Variants in BMP6 observed in about 807,000 individuals in gnomAD.
The protein encoded by BMP6 is VG-1-R.
In BMP6, 17 loss-of-function variants were observed where a neutral mutation model predicts 54.1. The observed-to-expected ratio is 0.31, with a 90% CI of 0.22 to 0.47. The LOEUF (loss-of-function observed/expected upper bound fraction) is 0.47. Ranked by LOEUF, BMP6 falls within the 20% of genes least tolerant of loss-of-function variation. The pLI, the probability that BMP6 is intolerant of heterozygous loss-of-function variation, is 1.00. For missense variants in BMP6, 720 were observed against 690.4 expected (o/e 1.04, Z -0.48); for synonymous variants, 328 against 291.2 (o/e 1.13, Z -1.28).
At chr6:7,861,406 T>C (rs768857467) in intron 2 of BMP6, 45 bp from the exon 3 acceptor site, 1 of 1,606,050 alleles carries the variant, frequency 6.2e-7, no homozygotes, top group African/African-American at 1.3e-5. Context: ...GGGAAGGAGC[T>C]TCAGGCAGTG....
At chr6:7,855,642 A>G (rs1003514811) in intron 2 of BMP6, among the ~76,000 whole-genome samples, 12 of 141,262 alleles carry the variant, frequency 8.5e-5, no homozygotes, top group African/African-American at 2.7e-4. Flanking sequence ...GCTCACTGCA[A>G]CCTGCACCTC....
At chr6:7,824,189 AG>A (rs1344167794) in intron 1 of BMP6, among the ~76,000 whole-genome samples, 2 of 152,174 alleles carry the variant, frequency 1.3e-5, no homozygotes, top group East Asian at 3.8e-4. Flanking sequence ...CAAGAAAGGC[AG>A]GAGTCAGGGG....
At chr6:7,795,430 A>G (rs758741561) in intron 1 of BMP6, among the ~76,000 whole-genome samples, 1 of 152,204 alleles carries the variant, frequency 6.6e-6, no homozygotes, top group Non-Finnish European at 1.5e-5. Flanking sequence ...AAAGCAAGGC[A>G]GTGGTAAAAC....
At chr6:7,877,248 T>C (rs77787576) in intron 4 of BMP6, among the ~76,000 whole-genome samples, 3,134 of 152,198 alleles carry the variant, frequency 0.021, 109 homozygotes, top group African/African-American at 0.069. Flanking sequence ...TTTAGAATTA[T>C]AAACCACCTA....
intron 1 of BMP6, among the ~76,000 whole-genome samples, chr6:7,797,846 G>A (rs528000517): frequency 6.6e-6 from 1 of 152,166 alleles, no homozygotes; most frequent in Non-Finnish European, 1.5e-5. Context: ...TTTGTTTTAT[G>A]TGTGTTTTTC....
Position 7,861,351 on chromosome 6 carries a change from T to C in BMP6, c.858-100T>C, listed in dbSNP as rs1759330770. On this transcript the variant is annotated intron_variant, in intron 2 of 6. Transcript: ENST00000283147. The stretch of plus-strand genomic sequence containing the variant: ...GCTTGTGCCTCACAGGTAGATGTGA[T>C]CTGACTCGGGCATGTTTTATCCTGA... 9 of 1,466,286 alleles carry C rather than the reference T, an allele frequency of 6.1e-6. No individual in the cohort carries two copies. The South Asian group carries it at 7.7e-5, about 13-fold the overall frequency. 90.8% of individuals were successfully genotyped at this position (1,466,286 alleles called of 1,614,324 possible). A position where few individuals can be genotyped will look rare whatever the true frequency, so the allele number is the denominator to read the frequency against.
At position 7,880,669 on chromosome 6, in the gene BMP6, G is replaced by A; in HGVS notation, c.*326G>A. 2.8e-6 allele frequency: 1 copy of A among 356,162 alleles called. No homozygotes were observed. The highest frequency in any genetic ancestry group is 5.2e-6 in the Non-Finnish European group (1 of 192,604). 22.1% of individuals were successfully genotyped at this position (356,162 alleles called of 1,614,324 possible). A position where few individuals can be genotyped will look rare whatever the true frequency, so the allele number is the denominator to read the frequency against. ...AAAATTAGTTTTAGCTGTAGATCAA[G>A]CTATTTGGGGTGTTTGTTAGTAAAT... On this transcript the variant is annotated 3_prime_UTR_variant, in exon 7 of 7. Coordinates refer to ENST00000283147, the MANE Select transcript of BMP6 (RefSeq NM_001718.6).
chr6:7,813,109 AT>A (rs1225692611), intron 1 of BMP6, among the ~76,000 whole-genome samples: 1,665 of 15,644 alleles, frequency 0.11, 261 homozygotes, highest in African/African-American at 0.19. Context: ...AAAAAAAAAA[AT>A]ATATATATAT....
intron 2 of BMP6, among the ~76,000 whole-genome samples, chr6:7,852,954 T>G (rs113096375): frequency 0.03 from 4,631 of 152,282 alleles, 93 homozygotes; most frequent in Middle Eastern, 0.075. Context: ...TTCTGGGACT[T>G]TAGCTCTTCT....
chr6:7,855,280 C>A (rs1759207219), intron 2 of BMP6, among the ~76,000 whole-genome samples: 1 of 152,128 alleles, frequency 6.6e-6, no homozygotes, highest in African/African-American at 2.4e-5. Flanking sequence ...GGTTCTTAGA[C>A]CAGCAGCATC....
At chr6:7,879,232 C>T in intron 5 of BMP6, 82 bp downstream of exon 5, 2 of 1,402,818 alleles carry the variant, frequency 1.4e-6, no homozygotes, top group Non-Finnish European at 2.0e-6. Flanking sequence ...TTACCAAACA[C>T]CCAGAGCTTG....
At chr6:7,854,509 A>T (rs1286443593) in intron 2 of BMP6, among the ~76,000 whole-genome samples, 1 of 152,216 alleles carries the variant, frequency 6.6e-6, no homozygotes, top group East Asian at 1.9e-4. Flanking sequence ...TTTAAAAGGT[A>T]GCGGGGGCTG....
At chr6:7,737,486 G>A (rs1196487766) in intron 1 of BMP6, among the ~76,000 whole-genome samples, 1 of 151,952 alleles carries the variant, frequency 6.6e-6, no homozygotes, top group Non-Finnish European at 1.5e-5. Context: ...TTAGGGCAGA[G>A]CCTTCTAACA....
chr6:7,820,750 C>T (rs1002205709), intron 1 of BMP6, among the ~76,000 whole-genome samples: 1 of 152,158 alleles, frequency 6.6e-6, no homozygotes, highest in African/African-American at 2.4e-5. Flanking sequence ...AGGCAGCAGT[C>T]CCAACCTTTT....
chr6:7,868,320 C>G (rs1019712630), intron 4 of BMP6, among the ~76,000 whole-genome samples: 3 of 152,296 alleles, frequency 2.0e-5, no homozygotes, highest in African/African-American at 2.4e-5. Context: ...CACCCCCACC[C>G]CAGCCCTATC....
At chr6:7,764,172 G>A (rs977906338) in intron 1 of BMP6, among the ~76,000 whole-genome samples, 6 of 152,204 alleles carry the variant, frequency 3.9e-5, no homozygotes, top group African/African-American at 1.4e-4. Flanking sequence ...TTTCAGCTGA[G>A]GCTGTTGGAG....
chr6:7,813,108 A>AT (rs1334488067), intron 1 of BMP6, among the ~76,000 whole-genome samples: 19 of 21,488 alleles, frequency 8.8e-4, no homozygotes, highest in Non-Finnish European at 1.3e-3. Flanking sequence ...AAAAAAAAAA[A>AT]ATATATATAT....
At chr6:7,737,271 C>A (rs971717914) in intron 1 of BMP6, among the ~76,000 whole-genome samples, 4 of 151,762 alleles carry the variant, frequency 2.6e-5, no homozygotes, top group African/African-American at 9.7e-5. Flanking sequence ...CTTAGGATGT[C>A]CTGTGGTTTA....
chr6:7,856,066 G>A (rs939196645), intron 2 of BMP6, among the ~76,000 whole-genome samples: 6 of 130,742 alleles, frequency 4.6e-5, no homozygotes, highest in East Asian at 2.6e-4. Flanking sequence ...TATTTGAAAC[G>A]TCTCTTCATA....
Sources: allele counts gnomAD v4.1 joint callset (sites outside exome capture counted in the v4.1 genomes callset), GRCh38; gene constraint gnomAD v4.1.1; transcripts MANE v1.5; gene names NCBI Gene and HGNC (gene_info 2026-07-23, HGNC 2026-07-21).